NFASC: variants seen among roughly 807,000 people sequenced by gnomAD.
NFASC encodes the protein neurofascin, also known as neurofascin homolog.
Under a neutral mutation model 147.5 loss-of-function variants are expected in NFASC, and 43 were observed. That is an observed-to-expected ratio of 0.29 (90% CI 0.23 to 0.38). The LOEUF is 0.38. Ranked by LOEUF, NFASC falls within the 10% of genes least tolerant of loss-of-function variation. The pLI, the probability that NFASC is intolerant of heterozygous loss-of-function variation, is 1.00. For missense variants in NFASC, 1,320 were observed against 1,689.0 expected (o/e 0.78, Z 3.83); for synonymous variants, 622 against 665.5 (o/e 0.93, Z 1.01).
chr1:204,953,379 C>T (rs1262448175), intron 5 of NFASC, among the ~76,000 whole-genome samples: 7 of 152,366 alleles, frequency 4.6e-5, no homozygotes, highest in African/African-American at 1.4e-4. Flanking sequence ...TCACTGCAAG[C>T]TCCACTTCCC....
chr1:204,979,153 C>T lies in NFASC; in HGVS notation c.1978+84C>T. ...GAAGGCCTTTCCTGGTTTCCAGCCC[C>T]ACTTCTGCCTCGCTTGATGTGTGTC... On this transcript the variant is annotated intron_variant, in intron 18 of 29. Coordinates refer to ENST00000339876, the MANE Select transcript of NFASC (RefSeq NM_001005388.3). This position sits in a 1 kb window ranked among gnomAD's most constrained non-coding sequence, Gnocchi z 6.0. 1 of 1,210,966 alleles carries T rather than the reference C, an allele frequency of 8.3e-7. No homozygotes were observed. Among genetic ancestry groups the T allele is most frequent in the Non-Finnish European group, 1.2e-6 (1 of 850,942 alleles). 75.0% of individuals were successfully genotyped at this position (1,210,966 alleles called of 1,614,324 possible).
chr1:204,961,562 G>T (rs2094670361), intron 8 of NFASC, among the ~76,000 whole-genome samples: 1 of 152,264 alleles, frequency 6.6e-6, no homozygotes, highest in Non-Finnish European at 1.5e-5. Flanking sequence ...GGTGTGGCCA[G>T]GGCCCCTTGG....
intron 4 of NFASC, 23 bp from the exon 5 acceptor site, chr1:204,951,988 A>G (rs1162755332): frequency 3.7e-6 from 6 of 1,607,936 alleles, no homozygotes; most frequent in East Asian, 4.5e-5. Context: ...AGCCCTGACC[A>G]TGCTCCCTGT....
At chr1:204,833,358 G>A (rs1355424970) in intron 1 of NFASC, among the ~76,000 whole-genome samples, 1 of 152,190 alleles carries the variant, frequency 6.6e-6, no homozygotes, top group East Asian at 1.9e-4. Flanking sequence ...GAAGATTACA[G>A]AACAGGTGAG....
At chr1:204,980,771 T>C (rs1337121684) in intron 20 of NFASC, among the ~76,000 whole-genome samples, 1 of 152,158 alleles carries the variant, frequency 6.6e-6, no homozygotes, top group East Asian at 1.9e-4. Context: ...GGTTAGACTT[T>C]AGAAAAGATC....
At chr1:205,004,023 G>A (rs2096056903) in intron 27 of NFASC, among the ~76,000 whole-genome samples, 1 of 152,278 alleles carries the variant, frequency 6.6e-6, no homozygotes, top group Admixed American at 6.5e-5. Context: ...AGGGGAGCAA[G>A]GCCAGGCAAC....
At chr1:204,893,760 C>A (rs954178995) in intron 1 of NFASC, among the ~76,000 whole-genome samples, 1 of 152,216 alleles carries the variant, frequency 6.6e-6, no homozygotes. Context: ...GGCTTTCCCC[C>A]ACTCTGTCAA....
intron 7 of NFASC, among the ~76,000 whole-genome samples, chr1:204,957,109 A>G (rs1450317898): frequency 2.6e-5 from 4 of 152,232 alleles, no homozygotes; most frequent in Non-Finnish European, 5.9e-5. Flanking sequence ...AAACAAAGGT[A>G]TACATTATAA....
chr1:204,873,658 G>A (rs149579462), intron 1 of NFASC, among the ~76,000 whole-genome samples: 133 of 149,986 alleles, frequency 8.9e-4, no homozygotes, highest in African/African-American at 3.1e-3. Flanking sequence ...GTGTGCTAGG[G>A]ACAGCTGCTG....
chr1:204,933,977 A>T (rs1285705300), intron 2 of NFASC, among the ~76,000 whole-genome samples: 1 of 152,014 alleles, frequency 6.6e-6, no homozygotes, highest in African/African-American at 2.4e-5. Flanking sequence ...GTCTCTACTA[A>T]AAATACAAAA....
chr1:204,957,888 A>G, intron 8 of NFASC, 62 bp downstream of exon 8: 1 of 1,507,674 alleles, frequency 6.6e-7, no homozygotes, highest in Admixed American at 1.7e-5. Context: ...GATCCCACCC[A>G]GCCCTAGGTA....
chr1:204,946,168 C>T (rs1182443234), intron 3 of NFASC: 6 of 383,118 alleles, frequency 1.6e-5, no homozygotes, highest in Non-Finnish European at 2.2e-5. Context: ...ACGTTGTGTT[C>T]GCGGAAACTC....
chr1:204,984,382 C>CATATATATATATATATATAT (rs55787898), intron 21 of NFASC: 59 of 134,066 alleles, frequency 4.4e-4, no homozygotes, highest in African/African-American at 1.6e-3. Context: ...TATATATACG[C>CATATATATATATATATATAT]ATATATATAT....
chr1:204,973,451 T>G, intron 12 of NFASC, 32 bp downstream of exon 12: 1 of 1,612,492 alleles, frequency 6.2e-7, no homozygotes, highest in Non-Finnish European at 8.5e-7. Flanking sequence ...TGTTTCCCCC[T>G]CCTCTCCACT....
At chr1:204,832,228 C>T (rs1278597252) in intron 1 of NFASC, among the ~76,000 whole-genome samples, 2 of 152,106 alleles carry the variant, frequency 1.3e-5, no homozygotes, top group Admixed American at 6.5e-5. Context: ...GTGATGAGGT[C>T]GAGGCTGCTT....
At chr1:204,943,404 T>C (rs1312857414) in intron 2 of NFASC, among the ~76,000 whole-genome samples, 1 of 152,184 alleles carries the variant, frequency 6.6e-6, no homozygotes, top group Non-Finnish European at 1.5e-5. Context: ...AATGATTTCT[T>C]GTGCTTGAGG....
chr1:204,897,798 T>G (rs563230859), intron 1 of NFASC, among the ~76,000 whole-genome samples: 1 of 151,898 alleles, frequency 6.6e-6, no homozygotes, highest in African/African-American at 2.4e-5. Context: ...TGCAGTGATA[T>G]GGTCTCACCT....
At chr1:204,994,836 A>G (rs2095812662) in intron 24 of NFASC, among the ~76,000 whole-genome samples, 1 of 152,178 alleles carries the variant, frequency 6.6e-6, no homozygotes, top group Admixed American at 6.5e-5. Context: ...TAGAAAATAT[A>G]CTATTGATAA....
intron 2 of NFASC, among the ~76,000 whole-genome samples, chr1:204,933,222 G>A (rs2092525037): frequency 6.6e-6 from 1 of 152,246 alleles, no homozygotes; most frequent in Non-Finnish European, 1.5e-5. Flanking sequence ...GAATGGATTG[G>A]ATGGAGGAGA....
Sources: gnomAD v4.1 joint callset for allele counts (sites outside exome capture counted in the v4.1 genomes callset) on GRCh38, gnomAD v4.1.1 for gene constraint, Gnocchi (gnomAD v3.1) non-coding constraint, MANE v1.5 for transcripts, NCBI Gene and HGNC (gene_info 2026-07-23, HGNC 2026-07-21) for gene names.